The following ANKRD27 variants were observed in gnomAD, a reference collection of about 807,000 sequenced individuals.
The protein encoded by ANKRD27 is ankyrin repeat domain 27.
A neutral mutation model predicts 129.7 loss-of-function variants in ANKRD27; 112 were observed. That is an observed-to-expected ratio of 0.86 (90% confidence interval 0.74 to 1.01). The LOEUF is 1.01. Ranked by LOEUF, ANKRD27 falls within the 50% of genes least tolerant of loss-of-function variation. The pLI, the probability that ANKRD27 is intolerant of heterozygous loss-of-function variation, is 0.00. For missense variants in ANKRD27, 1,258 were observed against 1,300.5 expected (o/e 0.97, Z 0.50); for synonymous variants, 516 against 511.2 (o/e 1.01, Z -0.13).
At chr19:32,667,653 G>A (rs1227776122) in intron 1 of ANKRD27, among the ~76,000 whole-genome samples, 1 of 152,132 alleles carries the variant, frequency 6.6e-6, no homozygotes, top group Non-Finnish European at 1.5e-5. Flanking sequence ...CCAACGTGGT[G>A]AAACCCCATC....
intron 18 of ANKRD27, 36 bp downstream of exon 18, chr19:32,622,386 G>A (rs377240170): frequency 3.9e-5 from 62 of 1,607,932 alleles, no homozygotes; most frequent in African/African-American, 3.3e-4. Context: ...ATCTTCTTTC[G>A]AAGTCATCTT....
At chr19:32,659,601 A>C (rs140596320) in intron 1 of ANKRD27, among the ~76,000 whole-genome samples, 86 of 152,268 alleles carry the variant, frequency 5.6e-4, no homozygotes, top group Middle Eastern at 3.4e-3. Flanking sequence ...AATATCCTAC[A>C]TGACCAAAAT....
chr19:32,622,647 C>T (rs1474857625), intron 17 of ANKRD27, 28 bp from the exon 18 acceptor site: 1 of 1,610,494 alleles, frequency 6.2e-7, no homozygotes, highest in Non-Finnish European at 8.5e-7. Flanking sequence ...AATGGCATCG[C>T]TCATGGATGT....
At position 32,619,483 on chromosome 19, in the gene ANKRD27, G is replaced by A. The variant is rs373505954; in HGVS notation, c.1887+11C>T. ...CAAGGTAACCTGACCTGCTCAGCCC[G>A]GCTGACTTACCTCGGACGACTTCTG... is the stretch of plus-strand genomic sequence containing the variant. On this transcript the variant is annotated intron_variant, in intron 19 of 28. Transcript: ENST00000306065. The A allele has an allele frequency of 1.6e-3, 2,624 of 1,614,050 alleles. 56 individuals carry two copies. In the South Asian group the frequency reaches 0.025, roughly 16 times the overall value.
At position 32,606,192 on chromosome 19, in the gene ANKRD27, G is replaced by A. The variant is rs369526726; in HGVS notation, c.2374-238C>T. On this transcript the variant is annotated intron_variant, in intron 23 of 28. Coordinates refer to ENST00000306065, the MANE Select transcript of ANKRD27 (RefSeq NM_032139.3). ...TTTCCAGACAGAGTCTCGCTCTGTC[G>A]CCCAGGCTGGAGTGCAGTGGCGTGA... Among the ~76,000 whole-genome samples, 15 of 135,034 alleles carry A rather than the reference G, an allele frequency of 1.1e-4. No individual in the cohort carries two copies. The South Asian group carries it at 1.6e-3, about 14-fold the overall frequency. 88.6% of individuals were successfully genotyped at this position (135,034 alleles called of 152,430 possible). A position where few individuals can be genotyped will look rare whatever the true frequency, so the allele number is the denominator to read the frequency against.
chr19:32,629,266 G>A (rs1057429112), intron 13 of ANKRD27, among the ~76,000 whole-genome samples: 1 of 152,140 alleles, frequency 6.6e-6, no homozygotes, highest in Non-Finnish European at 1.5e-5. Context: ...TGGATGAAAT[G>A]ATTTGCACTC....
rs370810859 is a variant in ANKRD27 at position 32,604,268 on chromosome 19, C to T, written c.2650G>A (p.Glu884Lys). 9 of 1,607,346 alleles carry T rather than the reference C, an allele frequency of 5.6e-6. 1 individual carries two copies. The African/African-American group carries it at 1.1e-4, about 19-fold the overall frequency. ...KRQRTAVDCA[E>K]QNSKIMELLQ... ...CTTCGACCCTCTCCACCTACCTGTT[C>T]AGCACAGTCTACAGCCGTGCGCTGC... The change falls in exon 25 of 29, where the codon GAA becomes AAA. Residue 884 changes from glutamate to lysine, a missense_variant. Transcript: ENST00000306065.
rs1261151578 is a variant in ANKRD27, at chr19:32,598,487, T to C, written c.2920-109A>G. The C allele has an allele frequency of 4.2e-6, 4 of 960,042 alleles. No homozygotes were observed. In the African/African-American group the frequency reaches 4.8e-5, roughly 12 times the overall value. 59.5% of individuals were successfully genotyped at this position (960,042 alleles called of 1,614,324 possible). A position where few individuals can be genotyped will look rare whatever the true frequency, so the allele number is the denominator to read the frequency against. ...GCCTAGTGTCACATAATGTGCTCAG[T>C]GCTTGACAGGCATAATTTCAATTCT... is the stretch of plus-strand genomic sequence containing the variant. On this transcript the variant is annotated intron_variant, in intron 28 of 28. Transcript: ENST00000306065.
At position 32,659,021 on chromosome 19, in the gene ANKRD27, C is replaced by T; in HGVS notation, c.-6G>A. 1.2e-6 allele frequency: 2 copies of T among 1,605,534 alleles called. No homozygotes were observed. The highest frequency in any genetic ancestry group is 1.7e-6 in the Non-Finnish European group (2 of 1,172,348). The stretch of plus-strand genomic sequence containing the variant: ...TCTTCATCATACAGAGCCATATGGA[C>T]TTCAGATGGGTCAGAGCAAATCTCC... On this transcript the variant is annotated 5_prime_UTR_variant, in exon 2 of 29. Coordinates refer to ENST00000306065, the MANE Select transcript of ANKRD27 (RefSeq NM_032139.3).
intron 1 of ANKRD27, 24 bp from the exon 2 acceptor site, chr19:32,659,069 G>T: frequency 8.0e-7 from 1 of 1,248,806 alleles, no homozygotes; most frequent in Non-Finnish European, 1.2e-6. Context: ...GGGAAAAGCA[G>T]TGAATAGCCA....
intron 20 of ANKRD27, 152 bp from the exon 21 acceptor site, chr19:32,617,785 G>C (rs528444374): frequency 3.2e-5 from 14 of 441,792 alleles, no homozygotes; most frequent in Non-Finnish European, 4.9e-5. Context: ...ATGGAGTTTC[G>C]CTCTTATTGC....
rs1384822473 is a variant in ANKRD27 at position 32,643,341 on chromosome 19, A to G, written c.651T>C (p.His217=). 1.9e-6 allele frequency: 3 copies of G among 1,613,762 alleles called. No homozygotes were observed. The African/African-American group carries it at 4.0e-5, about 22-fold the overall frequency. Residue 217 remains histidine (H), a synonymous_variant, in exon 8 of 29, where the codon CAT becomes CAC. Coordinates refer to ENST00000306065, the MANE Select transcript of ANKRD27 (RefSeq NM_032139.3). Reference sequence around the variant, plus strand: ...TAAAGATCAGGTTGTAAATTTCATGATGGACGTATATCTGTGGAATCAACA... The same window carrying G: ...TAAAGATCAGGTTGTAAATTTCATGGTGGACGTATATCTGTGGAATCAACA... ...LMKQAVEIYV[H]HEIYNLIFKY... is the part of the protein sequence containing the mutation.
At chr19:32,666,704 G>A (rs1330686022) in intron 1 of ANKRD27, among the ~76,000 whole-genome samples, 1 of 149,252 alleles carries the variant, frequency 6.7e-6, no homozygotes, top group Non-Finnish European at 1.5e-5. Context: ...GAGTGCAGTG[G>A]TGCAATCTCG....
chr19:32,645,701 C>T (rs893980309), intron 4 of ANKRD27, among the ~76,000 whole-genome samples: 1 of 151,930 alleles, frequency 6.6e-6, no homozygotes, highest in Non-Finnish European at 1.5e-5. Context: ...GGTGCGATCT[C>T]GGCTCACCAC....
chr19:32,651,630 A>G (rs938209225), intron 2 of ANKRD27, among the ~76,000 whole-genome samples: 2 of 152,072 alleles, frequency 1.3e-5, no homozygotes, highest in Admixed American at 6.6e-5. Context: ...TCAGCCTCTC[A>G]AAGTGCTGCG....
intron 23 of ANKRD27, among the ~76,000 whole-genome samples, chr19:32,606,597 C>CTGGGT (rs879676931): frequency 1.3e-5 from 2 of 151,202 alleles, no homozygotes; most frequent in African/African-American, 2.4e-5. Context: ...ATGTGCTGGG[C>CTGGGT]GACAGTGATC....
chr19:32,642,204 G>GTTTTAAT, intron 9 of ANKRD27, 59 bp from the exon 10 acceptor site: 1 of 1,362,374 alleles, frequency 7.3e-7, no homozygotes, highest in South Asian at 2.0e-5. Flanking sequence ...CCTCTGGCCT[G>GTTTTAAT]GATCTAAGAA....
Position 32,604,310 on chromosome 19 carries a change from G to A in ANKRD27, c.2608C>T (p.Gln870Ter). 6.2e-7 allele frequency: 1 copy of A among 1,613,918 alleles called. No homozygotes were observed. The highest frequency in any genetic ancestry group is 8.5e-7 in the Non-Finnish European group (1 of 1,180,030). The change falls in exon 25 of 29, where the codon CAG becomes TAG. Residue 870 changes from glutamine to a stop codon, truncating the protein, a stop_gained. Transcript: ENST00000306065. LOFTEE classifies it high-confidence loss of function. The stretch of plus-strand genomic sequence containing the variant: ...GTGCGCTGCCGCTTGTTCAGCACCT[G>A]AACTGACGCTCCGTGGAGCAGAAGC... Reference protein sequence around the residue: ...ELLLLHGASVQVLNKRQRTAV... With the variant: ...ELLLLHGASV
chr19:32,649,342 G>A (rs1967366003), intron 3 of ANKRD27, among the ~76,000 whole-genome samples: 1 of 152,134 alleles, frequency 6.6e-6, no homozygotes, highest in South Asian at 2.1e-4. Context: ...ACACTGACAA[G>A]CTTTTCACGG....
Sources: allele counts gnomAD v4.1 joint callset (sites outside exome capture counted in the v4.1 genomes callset), GRCh38; gene constraint gnomAD v4.1.1; transcripts MANE v1.5; gene names NCBI Gene and HGNC (gene_info 2026-07-23, HGNC 2026-07-21).